PROCR: variants seen among roughly 807,000 people sequenced by gnomAD.
PROCR encodes the protein protein C receptor.
PROCR carries 22 observed loss-of-function variants against 24.2 expected under a neutral mutation model. That is an observed-to-expected ratio of 0.91 (90% CI 0.65 to 1.30). The LOEUF (loss-of-function observed/expected upper bound fraction) is 1.30, where lower values mean the gene tolerates loss of function less well. PROCR is among the 50% of genes most tolerant of loss of function. The pLI is 0.00. For missense variants in PROCR, 288 were observed against 307.7 expected (o/e 0.94, Z 0.48); for synonymous variants, 137 against 139.2 (o/e 0.98, Z 0.11).
chr20:35,178,768 G>A (rs910289714), downstream of PROCR, among the ~76,000 whole-genome samples: 2 of 144,614 alleles, frequency 1.4e-5, no homozygotes, highest in African/African-American at 5.1e-5. Flanking sequence ...GCCCACCTCG[G>A]CCTCCCAAAG....
intron 1 of PROCR, among the ~76,000 whole-genome samples, chr20:35,189,052 A>G (rs1375547621): frequency 6.6e-6 from 1 of 152,184 alleles, no homozygotes; most frequent in Non-Finnish European, 1.5e-5. Context: ...TGTGTGTTTG[A>G]ACAATTTGAA....
At chr20:35,182,903 G>A (rs1315113367) in intron 1 of PROCR, among the ~76,000 whole-genome samples, 1 of 150,828 alleles carries the variant, frequency 6.6e-6, no homozygotes, top group Non-Finnish European at 1.5e-5. Context: ...GCACCCAGGA[G>A]GCAGATGTTG....
intron 1 of PROCR, among the ~76,000 whole-genome samples, chr20:35,206,335 C>T (rs993459217): frequency 2.0e-5 from 3 of 151,794 alleles, no homozygotes; most frequent in African/African-American, 7.3e-5. Flanking sequence ...ATTAGCCAGG[C>T]ATGGTGGCAG....
chr20:35,180,860 T>TTTTTG (rs768329592), downstream of PROCR, among the ~76,000 whole-genome samples: 9 of 144,600 alleles, frequency 6.2e-5, no homozygotes, highest in East Asian at 2.0e-4. Context: ...TGTTTTTTGT[T>TTTTTG]TTTTGTTTTG....
At chr20:35,175,235 C>A (rs2085999899) in intron 2 of PROCR, among the ~76,000 whole-genome samples, 1 of 151,890 alleles carries the variant, frequency 6.6e-6, no homozygotes, top group Non-Finnish European at 1.5e-5. Context: ...GTCGAAGGTC[C>A]CCAGAAAACT....
chr20:35,204,312 C>G (rs2146175042), intron 1 of PROCR, among the ~76,000 whole-genome samples: 1 of 152,166 alleles, frequency 6.6e-6, no homozygotes, highest in Middle Eastern at 3.4e-3. Flanking sequence ...GAGAAGAAAA[C>G]TCCAGGCCCA....
At chr20:35,195,800 G>A (rs2052708714) in intron 1 of PROCR, among the ~76,000 whole-genome samples, 1 of 130,510 alleles carries the variant, frequency 7.7e-6, no homozygotes, top group Admixed American at 8.6e-5. Context: ...TAGCTTGAGT[G>A]ACAGAGCAAG....
At chr20:35,188,308 T>C (rs1348733401) in intron 1 of PROCR, among the ~76,000 whole-genome samples, 1 of 152,166 alleles carries the variant, frequency 6.6e-6, no homozygotes, top group African/African-American at 2.4e-5. Flanking sequence ...CAGTTTATTT[T>C]AACACAGAAG....
downstream of PROCR, among the ~76,000 whole-genome samples, chr20:35,181,037 T>G (rs2086074081): frequency 6.6e-6 from 1 of 151,216 alleles, no homozygotes; most frequent in Non-Finnish European, 1.5e-5. Flanking sequence ...CGGCTAATTT[T>G]TTGTATTTTT....
At chr20:35,173,423 C>CTTTTTTTTTTTT (rs58785250) in intron 1 of PROCR, among the ~76,000 whole-genome samples, 72 of 88,150 alleles carry the variant, frequency 8.2e-4, no homozygotes, top group Non-Finnish European at 1.1e-3. Context: ...TTTCTTTTTT[C>CTTTTTTTTTTTT]TTTTTTTTTT....
Position 35,172,218 on chromosome 20 carries a change from T to C in PROCR, c.64T>C (p.Ser22Pro). Residue 22 changes from serine to proline, a missense_variant, in exon 1 of 4, where the codon TCA (serine) becomes CCA (proline). Ser to Pro is a moderately conservative substitution (Grantham distance 74). Coordinates refer to ENST00000216968, the MANE Select transcript of PROCR (RefSeq NM_006404.5). ...SGWAFCSQDA[S>P]DGLQRLHMLQ... Reference sequence around the variant, plus strand: ...CTGGGCCTTTTGTAGCCAAGACGCCTCAGATGGTGAGTCGGGGGCACATCT... The same window carrying C: ...CTGGGCCTTTTGTAGCCAAGACGCCCCAGATGGTGAGTCGGGGGCACATCT... The C allele has an allele frequency of 6.2e-7, 1 of 1,614,180 alleles. No individual in the cohort carries two copies. Among genetic ancestry groups the C allele is most frequent in the Middle Eastern group, 1.7e-4 (1 of 6,060 alleles).
At chr20:35,180,531 C>T (rs1045540983), downstream of PROCR, among the ~76,000 whole-genome samples, 6 of 152,190 alleles carry the variant, frequency 3.9e-5, no homozygotes, top group East Asian at 9.6e-4. Flanking sequence ...CACTCCAGAG[C>T]TCCCTGCCAG....
downstream of PROCR, chr20:35,177,392 T>G (rs1284374697): frequency 3.7e-5 from 36 of 981,910 alleles, no homozygotes; most frequent in Non-Finnish European, 4.1e-5. Flanking sequence ...GCAAAATTTC[T>G]GGAAAAGTAA....
chr20:35,214,041 C>T (rs576521843), intron 1 of PROCR, among the ~76,000 whole-genome samples: 1 of 152,070 alleles, frequency 6.6e-6, no homozygotes, highest in South Asian at 2.1e-4. Flanking sequence ...TGCCACTGCA[C>T]TCCAGCCTGG....
At position 35,193,903 on chromosome 20, in the gene PROCR, A is replaced by G. The variant is rs534390744; in HGVS notation, c.94+17457A>G. 3.9e-5 allele frequency among the ~76,000 whole-genome samples: 6 copies of G among 152,326 alleles called. No individual in the cohort carries two copies. In the East Asian group the frequency reaches 1.2e-3, roughly 29 times the overall value. On this transcript the variant is annotated intron_variant, in intron 1 of 1. Coordinates refer to the PROCR transcript ENST00000634509. ...AAGGAATAGTCTAGACAGAGAAAAC[A>G]TTCAAGTACTAAACCCTGAGGACGC...
chr20:35,212,261 G>A (rs2060365283), intron 1 of PROCR, among the ~76,000 whole-genome samples: 1 of 152,196 alleles, frequency 6.6e-6, no homozygotes, highest in Non-Finnish European at 1.5e-5. Context: ...GATGCAGCAT[G>A]TCACATGGGC....
chr20:35,183,510 A>G (rs963355812), intron 1 of PROCR, among the ~76,000 whole-genome samples: 22 of 152,114 alleles, frequency 1.4e-4, no homozygotes, highest in Non-Finnish European at 2.6e-4. Context: ...CTTCCTGTAC[A>G]TCCTGCAGAA....
chr20:35,183,230 G>A (rs1028491195), intron 1 of PROCR, among the ~76,000 whole-genome samples: 2 of 152,162 alleles, frequency 1.3e-5, no homozygotes, highest in African/African-American at 4.8e-5. Flanking sequence ...ATGTTGGAAC[G>A]TGACCTCCAT....
At chr20:35,172,300 C>T in intron 1 of PROCR, 76 bp downstream of exon 1, 1 of 1,513,264 alleles carries the variant, frequency 6.6e-7, no homozygotes, top group African/African-American at 1.4e-5. Flanking sequence ...GGCAAGACCA[C>T]AGGAGAGCTT....
Sources: allele counts gnomAD v4.1 joint callset (sites outside exome capture counted in the v4.1 genomes callset), GRCh38; gene constraint gnomAD v4.1.1; transcripts MANE v1.5; gene names NCBI Gene and HGNC (gene_info 2026-07-23, HGNC 2026-07-21).